TPPP: variants seen among roughly 807,000 people sequenced by gnomAD.
TPPP encodes tubulin polymerization-promoting protein.
In TPPP, 6 loss-of-function variants were observed where a neutral mutation model predicts 15.5. The ratio of observed to expected loss-of-function variants is 0.39; its 90% CI spans 0.21 to 0.77. The LOEUF (loss-of-function observed/expected upper bound fraction) is 0.77, where lower values mean the gene tolerates loss of function less well. TPPP is among the 30% of genes least tolerant of loss of function. The pLI is 0.42. For synonymous variants in TPPP, 146 were observed against 133.9 expected (o/e 1.09, Z -0.63); for missense variants, 269 against 307.2 (o/e 0.88, Z 0.93).
At chr5:671,891 C>A (rs1367824522) in intron 2 of TPPP, among the ~76,000 whole-genome samples, 1 of 152,216 alleles carries the variant, frequency 6.6e-6, no homozygotes, top group African/African-American at 2.4e-5. Context: ...CCACCCTTCC[C>A]CCGGGCTGGG....
intron 2 of TPPP, among the ~76,000 whole-genome samples, chr5:675,541 CGTGTGGCCGGGGGTGCA>C (rs1740401318): frequency 2.3e-5 from 1 of 42,868 alleles, no homozygotes; most frequent in African/African-American, 8.6e-5. Flanking sequence ...CCGGGGATGC[CGTGTGGCCGGGGGTGCA>C]GTGTGGCTGG....
At chr5:668,563 C>A (rs1740050329) in intron 2 of TPPP, among the ~76,000 whole-genome samples, 1 of 152,190 alleles carries the variant, frequency 6.6e-6, no homozygotes, top group African/African-American at 2.4e-5. Context: ...AAACTGCCGG[C>A]ACCTCGAGCT....
At chr5:677,067 G>A (rs1470624977) in intron 2 of TPPP, among the ~76,000 whole-genome samples, 10 of 151,688 alleles carry the variant, frequency 6.6e-5, no homozygotes, top group Non-Finnish European at 7.4e-5. Context: ...ACACAGAAAC[G>A]CGCACACGTG....
intron 2 of TPPP, 43 bp downstream of exon 2, chr5:677,707 C>A: frequency 6.6e-7 from 1 of 1,509,834 alleles, no homozygotes; most frequent in Non-Finnish European, 8.8e-7. Flanking sequence ...GCCGCAGACC[C>A]CCGTAAGTCA....
rs80346512 is a variant in TPPP at position 667,930 on chromosome 5, A to G, written c.312-1807T>C. ...GTCAGGGAAGTACCGACAAGCACAC[A>G]GAGAGGGGGCCGTGTGGGCGCCGTC... On this transcript the variant is annotated intron_variant, in intron 2 of 3. Transcript: ENST00000360578. Among the ~76,000 whole-genome samples, 39 of 46,650 alleles carry G rather than the reference A, an allele frequency of 8.4e-4. 3 individuals carry two copies. The highest frequency in any genetic ancestry group is 2.1e-3 in the African/African-American group (9 of 4,294). 30.6% of individuals were successfully genotyped at this position (46,650 alleles called of 152,430 possible). A position where few individuals can be genotyped will look rare whatever the true frequency, so the allele number is the denominator to read the frequency against.
In TPPP at chr5:677,738, C is replaced by G. The variant is rs754136178; in HGVS notation, c.311+12G>C. On this transcript the variant is annotated intron_variant, in intron 2 of 3. Transcript: ENST00000360578. ...AGTCAGGTCCCTCGGCCCGTGAGCC[C>G]AGCGCACTCACTTGATCTTGCTGAA... is the stretch of plus-strand genomic sequence containing the variant. The G allele has an allele frequency of 6.5e-7, 1 of 1,543,434 alleles. No homozygotes were observed. The highest frequency in any genetic ancestry group is 2.3e-5 in the East Asian group (1 of 44,026).
chr5:697,725 C>T (rs1741039918), upstream of TPPP, among the ~76,000 whole-genome samples: 1 of 151,890 alleles, frequency 6.6e-6, no homozygotes, highest in Non-Finnish European at 1.5e-5. Flanking sequence ...CAGCCCAGGA[C>T]TAGATGGATT....
At position 661,887 on chromosome 5, in the gene TPPP, A is replaced by C. The variant is rs918868700; in HGVS notation, c.*3215T>G. On this transcript the variant is annotated 3_prime_UTR_variant, in exon 4 of 4. Transcript: ENST00000360578. ...TGCTCTCCTGGCTCCCGCATGTCTG[A>C]GAAAAGCCTGAGGGCCGCTGGGGGA... 14 of 152,326 alleles carry C rather than the reference A, an allele frequency of 9.2e-5. No individual in the cohort carries two copies. The highest frequency in any genetic ancestry group is 2.1e-4 in the South Asian group (1 of 4,834). The allele number at this position is 152,326 out of a possible 1,614,324, so 9.4% of individuals were successfully genotyped here.
chr5:698,232 T>C (rs1281580796), upstream of TPPP, among the ~76,000 whole-genome samples: 2 of 151,962 alleles, frequency 1.3e-5, no homozygotes, highest in East Asian at 3.9e-4. Context: ...AAGTTGAAAG[T>C]ATTCCTTCTA....
chr5:667,761 G>A (rs929830674), intron 2 of TPPP, among the ~76,000 whole-genome samples: 2 of 150,380 alleles, frequency 1.3e-5, no homozygotes, highest in East Asian at 3.9e-4. Flanking sequence ...CACCAGAGAA[G>A]ACACGTGCAT....
chr5:677,403 C>G (rs982277169), intron 2 of TPPP, among the ~76,000 whole-genome samples: 1 of 152,228 alleles, frequency 6.6e-6, no homozygotes, highest in African/African-American at 2.4e-5. Context: ...TCACAGCTCC[C>G]TGACTCCGGG....
intron 1 of TPPP, among the ~76,000 whole-genome samples, chr5:681,637 G>A (rs1740625653): frequency 2.0e-5 from 3 of 152,184 alleles, no homozygotes; most frequent in Admixed American, 2.0e-4. Flanking sequence ...AGTGGGGCCT[G>A]GCCAGGACCT....
At position 665,161 on chromosome 5, in the gene TPPP, A is replaced by G; in HGVS notation, c.601T>C (p.Tyr201His). 8 of 1,613,540 alleles carry G rather than the reference A, an allele frequency of 5.0e-6. No homozygotes were observed. Among genetic ancestry groups the G allele is most frequent in the Non-Finnish European group, 6.8e-6 (8 of 1,179,974 alleles). Reference protein sequence around the residue: ...GRVDLVDESGYVSGYKHAGTY... With the variant: ...GRVDLVDESGHVSGYKHAGTY... ...CCTGCGTGCTTGTAGCCGGACACAT[A>G]GCCTGACTCGTCCACCAGATCCACG... Residue 201 changes from tyrosine (Y) to histidine (H), a missense_variant, in exon 4 of 4, where the codon TAT becomes CAT. Coordinates refer to ENST00000360578, the MANE Select transcript of TPPP (RefSeq NM_007030.3).
At chr5:668,600 T>C (rs576656899) in intron 2 of TPPP, among the ~76,000 whole-genome samples, 1 of 152,324 alleles carries the variant, frequency 6.6e-6, no homozygotes, top group African/African-American at 2.4e-5. Context: ...GGGGGCCTCG[T>C]CCACACCCGG....
intron 2 of TPPP, among the ~76,000 whole-genome samples, chr5:675,459 AGCACAGGGG>A (rs1740391328): frequency 3.1e-5 from 1 of 32,446 alleles, no homozygotes; most frequent in African/African-American, 5.0e-4. Flanking sequence ...GCTGGGGTGC[AGCACAGGGG>A]GTGCAGTGTG....
At chr5:676,593 C>T (rs1740440165) in intron 2 of TPPP, 1 of 152,248 alleles carries the variant, frequency 6.6e-6, no homozygotes, top group Admixed American at 6.5e-5. Flanking sequence ...CGAAATAAAG[C>T]CATTGCCACA....
chr5:692,582 A>C (rs1200122032), intron 1 of TPPP: 2 of 981,880 alleles, frequency 2.0e-6, no homozygotes, highest in Non-Finnish European at 2.4e-6. Flanking sequence ...CCGTTTACGT[A>C]ACCGAAACCG....
rs1739778984 is a variant in TPPP, at chr5:663,723, C to G, written c.*1379G>C. The G allele has an allele frequency of 6.6e-6, 1 of 152,508 alleles. No individual in the cohort carries two copies. Among genetic ancestry groups the G allele is most frequent in the East Asian group, 1.9e-4 (1 of 5,240 alleles). The allele number at this position is 152,508 out of a possible 1,614,324, so 9.4% of individuals were successfully genotyped here. On this transcript the variant is annotated 3_prime_UTR_variant, in exon 4 of 4. Transcript: ENST00000360578. ...GCCCTGGGCAGCCCTCTGCCCTGGC[C>G]AGAGCCTGACCGTAGCCACGGGCTA...
At chr5:674,817 C>CCCG (rs1561086533) in intron 2 of TPPP, among the ~76,000 whole-genome samples, 9 of 151,794 alleles carry the variant, frequency 5.9e-5, no homozygotes, top group Admixed American at 5.9e-4. Flanking sequence ...CTCCAGGCAG[C>CCCG]GGCTGACATA....
Sources: allele counts gnomAD v4.1 joint callset (sites outside exome capture counted in the v4.1 genomes callset), GRCh38; gene constraint gnomAD v4.1.1; transcripts MANE v1.5; gene names NCBI Gene and HGNC (gene_info 2026-07-23, HGNC 2026-07-21).